Variants in SLC4A4 observed in about 807,000 individuals in gnomAD.
SLC4A4 encodes the protein solute carrier family 4 member 4.
SLC4A4 carries 27 observed loss-of-function variants against 111.5 expected under a neutral mutation model. The observed-to-expected ratio is 0.24, with a 90% CI of 0.18 to 0.33. SLC4A4 has a LOEUF of 0.33. SLC4A4 is among the 10% of genes least tolerant of loss of function. The pLI, the probability that SLC4A4 is intolerant of heterozygous loss-of-function variation, is 1.00. For missense variants in SLC4A4, 909 were observed against 1,315.5 expected (o/e 0.69, Z 4.78); for synonymous variants, 443 against 463.4 (o/e 0.96, Z 0.57).
chr4:71,554,207 A>G (rs1045063554), intron 20 of SLC4A4, among the ~76,000 whole-genome samples: 1 of 151,874 alleles, frequency 6.6e-6, no homozygotes, highest in Non-Finnish European at 1.5e-5. Context: ...TCTGGTTACA[A>G]TAGCCTCCTT....
chr4:71,330,917 G>A lies in SLC4A4; in HGVS notation c.254-8453G>A, dbSNP rs545010516. 3.1e-3 allele frequency among the ~76,000 whole-genome samples: 468 copies of A among 152,232 alleles called. 2 individuals are homozygous for A. Among genetic ancestry groups the A allele is most frequent in the South Asian group, 0.012 (60 of 4,814 alleles). ...AAAACAACCCCATCAAAAAGTGGGC[G>A]AAGGATCTGAACAGACCCTTCTCAA... On this transcript the variant is annotated intron_variant, in intron 3 of 25. Transcript: ENST00000264485.
intron 16 of SLC4A4, among the ~76,000 whole-genome samples, chr4:71,509,105 A>C (rs993064852): frequency 3.9e-5 from 6 of 152,244 alleles, no homozygotes; most frequent in Non-Finnish European, 8.8e-5. Context: ...AGATACCTCA[A>C]AATAATGACA....
chr4:71,480,909 AC>A (rs999275034), intron 14 of SLC4A4, among the ~76,000 whole-genome samples: 1 of 151,714 alleles, frequency 6.6e-6, no homozygotes, highest in Non-Finnish European at 1.5e-5. Flanking sequence ...TGTATATTTA[AC>A]CATCACATAA....
At chr4:71,523,199 A>C (rs1017894649) in intron 16 of SLC4A4, among the ~76,000 whole-genome samples, 1 of 148,550 alleles carries the variant, frequency 6.7e-6, no homozygotes, top group Non-Finnish European at 1.5e-5. Flanking sequence ...AGTGTTCGCC[A>C]TCTTGGGTGG....
At chr4:71,473,622 G>A (rs544360472) in intron 14 of SLC4A4, among the ~76,000 whole-genome samples, 89 of 151,910 alleles carry the variant, frequency 5.9e-4, no homozygotes, top group African/African-American at 2.1e-3. Context: ...GTAACTCCTG[G>A]AAAGGAATGT....
intron 2 of SLC4A4, among the ~76,000 whole-genome samples, chr4:71,164,336 G>A (rs1452143313): frequency 2.0e-5 from 3 of 150,282 alleles, no homozygotes; most frequent in South Asian, 2.1e-4. Flanking sequence ...AGCCGAGATC[G>A]TGCACTGCAC....
intron 3 of SLC4A4, among the ~76,000 whole-genome samples, chr4:71,297,551 C>CAA (rs1186316862): frequency 6.8e-6 from 1 of 146,108 alleles, no homozygotes; most frequent in Non-Finnish European, 1.5e-5. Context: ...CACACACACA[C>CAA]TCTTTGGCAA....
rs796321597 is a variant in SLC4A4 at position 71,089,425 on chromosome 4, T to C, written c.-64-3305T>C. On this transcript the variant is annotated intron_variant, in intron 1 of 26. Transcript: ENST00000649996. ...CAAAGTCATTCTCTGTCCAGCTTTG[T>C]TCCATTGCTGGTGAGGAGCTGTGTT... Among the ~76,000 whole-genome samples the C allele has an allele frequency of 2.0e-5, 3 of 152,264 alleles. 1 individual carries two copies. Among genetic ancestry groups the C allele is most frequent in the East Asian group, 1.9e-4 (1 of 5,174 alleles).
intron 1 of SLC4A4, among the ~76,000 whole-genome samples, chr4:71,220,396 G>A (rs116629985): frequency 1.3e-3 from 196 of 152,202 alleles, no homozygotes; most frequent in African/African-American, 4.5e-3. Flanking sequence ...CATGTGACTC[G>A]CTTTATTGTG....
chr4:71,173,782 G>C (rs560189868), intron 2 of SLC4A4, among the ~76,000 whole-genome samples: 23 of 152,292 alleles, frequency 1.5e-4, no homozygotes, highest in African/African-American at 5.5e-4. Context: ...ATCTGAAACA[G>C]TTGACCATGT....
chr4:71,552,536 G>A (rs924723042), intron 20 of SLC4A4, among the ~76,000 whole-genome samples: 1 of 151,794 alleles, frequency 6.6e-6, no homozygotes, highest in African/African-American at 2.4e-5. Flanking sequence ...ATCAAAGGGA[G>A]GTATAAGTGA....
chr4:71,091,237 T>A (rs1312730856), intron 1 of SLC4A4, among the ~76,000 whole-genome samples: 1 of 150,428 alleles, frequency 6.6e-6, no homozygotes, highest in Non-Finnish European at 1.5e-5. Flanking sequence ...CGTGAGCCAC[T>A]GTGCCTGGCC....
intron 2 of SLC4A4, among the ~76,000 whole-genome samples, chr4:71,173,993 T>G (rs966579481): frequency 6.6e-6 from 1 of 152,184 alleles, no homozygotes; most frequent in Non-Finnish European, 1.5e-5. Flanking sequence ...ATATTATTAT[T>G]TTTACTGTTG....
intron 2 of SLC4A4, among the ~76,000 whole-genome samples, chr4:71,098,347 C>T (rs1214845745): frequency 6.6e-6 from 1 of 151,976 alleles, no homozygotes; most frequent in Non-Finnish European, 1.5e-5. Context: ...GGTGTGTGGT[C>T]TTATTTCTAG....
At chr4:71,499,678 T>C (rs2149154717) in intron 16 of SLC4A4, among the ~76,000 whole-genome samples, 1 of 151,802 alleles carries the variant, frequency 6.6e-6, no homozygotes, top group Non-Finnish European at 1.5e-5. Flanking sequence ...GTAGTATCTG[T>C]CTGTCTGTGC....
At chr4:71,339,582 G>T (rs1449903704) in intron 4 of SLC4A4, 77 bp downstream of exon 4, 11 of 1,447,380 alleles carry the variant, frequency 7.6e-6, no homozygotes, top group Non-Finnish European at 9.7e-6. Flanking sequence ...CTGGAGTGCC[G>T]TTCTTTAGCC....
At chr4:71,548,920 A>G (rs934459409) in intron 20 of SLC4A4, among the ~76,000 whole-genome samples, 2 of 151,932 alleles carry the variant, frequency 1.3e-5, no homozygotes, top group Admixed American at 1.3e-4. Context: ...TGATGTATAC[A>G]GTATGCACAA....
At chr4:71,175,836 C>T (rs1745078342) in intron 2 of SLC4A4, among the ~76,000 whole-genome samples, 2 of 152,176 alleles carry the variant, frequency 1.3e-5, no homozygotes, top group South Asian at 4.1e-4. Context: ...AGTAGCGGTT[C>T]TCCAAGCACA....
intron 1 of SLC4A4, among the ~76,000 whole-genome samples, chr4:71,200,063 A>G (rs1578584547): frequency 1.3e-5 from 2 of 152,288 alleles, no homozygotes; most frequent in African/African-American, 4.8e-5. Flanking sequence ...TTCTGTAGAG[A>G]AAGTGAGGAT....
Sources: gnomAD v4.1 joint callset for allele counts (sites outside exome capture counted in the v4.1 genomes callset) on GRCh38, gnomAD v4.1.1 for gene constraint, MANE v1.5 for transcripts, NCBI Gene and HGNC (gene_info 2026-07-23, HGNC 2026-07-21) for gene names.